AFF2: variants seen among roughly 807,000 people sequenced by gnomAD.
AFF2 encodes the protein ALF transcription elongation factor 2, also known as AF4/FMR2 family member 2.
AFF2 carries 14 observed loss-of-function variants against 76.9 expected under a neutral mutation model. The observed-to-expected ratio is 0.18, with a 90% CI of 0.12 to 0.28. The LOEUF (loss-of-function observed/expected upper bound fraction) is 0.28, where lower values mean the gene tolerates loss of function less well. AFF2 is among the 10% of genes least tolerant of loss of function. The pLI, the probability that AFF2 is intolerant of heterozygous loss-of-function variation, is 1.00. For synonymous variants in AFF2, 398 were observed against 366.7 expected (o/e 1.09, Z -0.98); for missense variants, 868 against 1,001.1 (o/e 0.87, Z 1.79).
chrX:148,714,848 A>C (rs2055009490), intron 3 of AFF2, among the ~76,000 whole-genome samples: 1 of 111,772 alleles, frequency 8.9e-6, no homozygotes, highest in African/African-American at 3.3e-5. Context: ...TGAAAGAGTG[A>C]ATAAATGTGA....
chrX:148,773,685 GGAAAGAAAGAAAGAAA>G (rs1205912443), intron 3 of AFF2, among the ~76,000 whole-genome samples: 406 of 51,430 alleles, frequency 7.9e-3, no homozygotes, highest in Middle Eastern at 0.017. Context: ...AAGGAAGGAA[GGAAAGAAAGAAAGAAA>G]GAAAGAAAGA....
intron 3 of AFF2, among the ~76,000 whole-genome samples, chrX:148,742,546 A>G (rs2055368442): frequency 8.9e-6 from 1 of 111,869 alleles, no homozygotes; most frequent in South Asian, 3.7e-4. Flanking sequence ...ATAGCATGCT[A>G]TAGTGGAGTA....
At chrX:148,559,690 G>T (rs1485402490) in intron 1 of AFF2, among the ~76,000 whole-genome samples, 3 of 111,671 alleles carry the variant, frequency 2.7e-5, no homozygotes, top group African/African-American at 6.5e-5. Context: ...TGGGCATTTG[G>T]GTTGGTTCCA....
chrX:148,549,408 A>G (rs1382933694), intron 1 of AFF2, among the ~76,000 whole-genome samples: 5 of 112,244 alleles, frequency 4.5e-5, no homozygotes, highest in Non-Finnish European at 7.5e-5. Flanking sequence ...TGCACAGTGT[A>G]AGTGAGTTTC....
intron 1 of AFF2, among the ~76,000 whole-genome samples, chrX:148,597,788 C>T (rs1557247524): frequency 8.9e-6 from 1 of 112,331 alleles, no homozygotes; most frequent in African/African-American, 3.2e-5. Flanking sequence ...TCCCACAGGG[C>T]TGTGATTACC....
intron 8 of AFF2, among the ~76,000 whole-genome samples, chrX:148,887,244 A>G (rs781938183): frequency 8.9e-6 from 1 of 112,840 alleles, no homozygotes; most frequent in Non-Finnish European, 1.9e-5. Context: ...CATTTACTGG[A>G]TGCAAGCTGT....
chrX:148,638,014 G>A (rs781924365), intron 1 of AFF2, among the ~76,000 whole-genome samples: 19 of 110,404 alleles, frequency 1.7e-4, no homozygotes, highest in Non-Finnish European at 9.5e-5. Flanking sequence ...AATCACTCTC[G>A]GAGGTCTTTC....
intron 3 of AFF2, among the ~76,000 whole-genome samples, chrX:148,757,381 T>C (rs1412382171): frequency 2.7e-5 from 3 of 111,527 alleles, no homozygotes; most frequent in African/African-American, 9.8e-5. Flanking sequence ...CAGATACATA[T>C]ATGCCTATAT....
At chrX:148,987,283 T>A (rs1030149681) in intron 19 of AFF2, 84 bp from the exon 20 acceptor site, 51 of 882,809 alleles carry the variant, frequency 5.8e-5, no homozygotes, top group Non-Finnish European at 7.6e-5. Flanking sequence ...TCTGATGAGA[T>A]CCCAGCGTGA....
intron 9 of AFF2, among the ~76,000 whole-genome samples, chrX:148,906,884 G>A (rs146620516): frequency 0.038 from 4,248 of 111,733 alleles, 180 homozygotes; most frequent in African/African-American, 0.13. Flanking sequence ...TGCCACTCCC[G>A]ATCAGGCTAA....
At chrX:148,900,859 G>A (rs1034610964) in intron 8 of AFF2, among the ~76,000 whole-genome samples, 40 of 112,165 alleles carry the variant, frequency 3.6e-4, no homozygotes, top group African/African-American at 1.1e-3. Flanking sequence ...CTACTGATAT[G>A]GAGAGTAGAA....
At chrX:148,909,168 A>G (rs1248462310) in intron 9 of AFF2, among the ~76,000 whole-genome samples, 3 of 112,182 alleles carry the variant, frequency 2.7e-5, no homozygotes, top group African/African-American at 9.7e-5. Context: ...TCTCATTCAG[A>G]GCAAACAGAT....
intron 1 of AFF2, among the ~76,000 whole-genome samples, chrX:148,645,567 C>A (rs1413336229): frequency 1.8e-5 from 2 of 111,897 alleles, no homozygotes; most frequent in Admixed American, 1.9e-4. Context: ...TAGGTTTTTA[C>A]CACTCCTAAG....
rs1229847618 is a variant in AFF2, at chrX:148,813,276, C to T, written c.1086+3356C>T. On this transcript the variant is annotated intron_variant, in intron 4 of 20. Coordinates refer to ENST00000370460, the MANE Select transcript of AFF2 (RefSeq NM_002025.4). ...TTGCACTACACCCAACTCTCAATCA[C>T]CCTCTCACAAATCTAGAGTGAGAAT... is the stretch of plus-strand genomic sequence containing the variant. Among the ~76,000 whole-genome samples, 6 of 111,710 alleles carry T rather than the reference C, an allele frequency of 5.4e-5. No homozygotes were observed. The Admixed American group carries it at 5.7e-4, about 11-fold the overall frequency.
chrX:148,528,869 T>C (rs1421334515), intron 1 of AFF2, among the ~76,000 whole-genome samples: 1 of 111,495 alleles, frequency 9.0e-6, no homozygotes, highest in Non-Finnish European at 1.9e-5. Flanking sequence ...GGTCCCTATT[T>C]TTTTTTAATA....
At chrX:148,551,398 A>T (rs1467108106) in intron 1 of AFF2, among the ~76,000 whole-genome samples, 1 of 106,594 alleles carries the variant, frequency 9.4e-6, no homozygotes, top group East Asian at 2.9e-4. Context: ...TATGTTTAAT[A>T]ATAAGCAATG....
chrX:148,689,396 G>GAC (rs2054629159), intron 3 of AFF2, among the ~76,000 whole-genome samples: 1 of 111,099 alleles, frequency 9.0e-6, no homozygotes, highest in African/African-American at 3.3e-5. Flanking sequence ...GATATTTTCA[G>GAC]ACTAGTGCTT....
intron 8 of AFF2, 70 bp downstream of exon 8, chrX:148,886,055 G>A: frequency 2.4e-6 from 2 of 822,285 alleles, no homozygotes; most frequent in Non-Finnish European, 3.7e-6. Flanking sequence ...GCTTTGACAT[G>A]CTTTGACATG....
intron 7 of AFF2, among the ~76,000 whole-genome samples, chrX:148,872,964 C>T (rs1557277525): frequency 9.0e-6 from 1 of 111,680 alleles, no homozygotes; most frequent in African/African-American, 3.3e-5. Flanking sequence ...GACACACAAA[C>T]ATTCAGTCCA....
Sources: allele counts gnomAD v4.1 joint callset (sites outside exome capture counted in the v4.1 genomes callset), GRCh38; gene constraint gnomAD v4.1.1; transcripts MANE v1.5; gene names NCBI Gene and HGNC (gene_info 2026-07-23, HGNC 2026-07-21).